The following ARMCX4 variants were observed in gnomAD, a reference collection of about 807,000 sequenced individuals.
ARMCX4 encodes armadillo repeat-containing X-linked protein 4.
In ARMCX4, 3 loss-of-function variants were observed where a neutral mutation model predicts 34.7. The observed-to-expected ratio is 0.09, with a 90% CI of 0.04 to 0.22. The LOEUF is 0.22. Ranked by LOEUF, ARMCX4 falls within the 10% of genes least tolerant of loss-of-function variation. The pLI is 1.00. For missense variants in ARMCX4, 1,448 were observed against 1,720.8 expected (o/e 0.84, Z 2.81); for synonymous variants, 513 against 632.8 (o/e 0.81, Z 2.84).
At chrX:101,535,563 T>C (rs1207819460), downstream of ARMCX4, among the ~76,000 whole-genome samples, 3 of 111,920 alleles carry the variant, frequency 2.7e-5, no homozygotes, top group African/African-American at 9.7e-5. Context: ...AACATTTTCC[T>C]TTGAGGTTTT....
intron 4 of ARMCX4, among the ~76,000 whole-genome samples, chrX:101,469,725 T>A (rs1470707155): frequency 9.0e-6 from 1 of 111,264 alleles, no homozygotes; most frequent in African/African-American, 3.3e-5. Context: ...TCTAGTCAAT[T>A]TGAGGTAGAA....
At position 101,425,359 on chromosome X, in the gene ARMCX4, A is replaced by G. The variant is rs147908946; in HGVS notation, n.164+6359A>G. ...ACGGGGCAGAAATCTAGAATGGAAC[A>G]GATTGGAGTGTGGTTAGCAGAGAGA... is the stretch of plus-strand genomic sequence containing the variant. On this transcript the variant is annotated intron_variant and non_coding_transcript_variant, in intron 2 of 3. Transcript: ENST00000430461. Among the ~76,000 whole-genome samples the G allele has an allele frequency of 3.3e-3, 362 of 109,507 alleles. 3 individuals carry two copies. The highest frequency in any genetic ancestry group is 0.011 in the African/African-American group (342 of 29,896).
chrX:101,443,397 A>G (rs947548877), intron 2 of ARMCX4, among the ~76,000 whole-genome samples: 8 of 111,840 alleles, frequency 7.2e-5, no homozygotes, highest in Non-Finnish European at 1.1e-4. Context: ...TCAGACGCCA[A>G]TCCTACCAGC....
rs1332381745 is a variant in ARMCX4 at position 101,489,442 on chromosome X, G to A, written c.853G>A (p.Val285Met). Residue 285 changes from valine (V) to methionine (M), a missense_variant, in exon 6 of 6, where the codon GTG (valine) becomes ATG (methionine). Transcript: ENST00000423738. ...GAAGTCCTGTGCACAGTCTCAGGCT[G>A]TGACCAAGATCCAGGGTGATGACAT... ...DMKSCAQSQAVTKIQGDDMPG... is the reference protein window; with the variant it reads ...DMKSCAQSQAMTKIQGDDMPG... 8.7e-7 allele frequency: 1 copy of A among 1,153,723 alleles called. No individual in the cohort carries two copies. The highest frequency in any genetic ancestry group is 2.6e-5 in the Admixed American group (1 of 38,489).
Position 101,492,107 on chromosome X carries a change from A to C in ARMCX4, c.3518A>C (p.Asn1173Thr), listed in dbSNP as rs920209367. 1.4e-5 allele frequency: 16 copies of C among 1,143,275 alleles called. No individual in the cohort carries two copies. In the East Asian group the frequency reaches 5.3e-4, roughly 38 times the overall value. The allele number at this position is 1,143,275 out of a possible 1,213,427, so 94.2% of individuals were successfully genotyped here. A position where few individuals can be genotyped will look rare whatever the true frequency, so the allele number is the denominator to read the frequency against. Reference sequence around the variant, plus strand: ...TCCTGGGCTGGGGCCAGGGCTGAGAATGTGGTTGGTATTGGGACTTGGGCT... The same window carrying C: ...TCCTGGGCTGGGGCCAGGGCTGAGACTGTGGTTGGTATTGGGACTTGGGCT... Reference protein sequence around the residue: ...VKSWAGARAENVVGIGTWARA... With the variant: ...VKSWAGARAETVVGIGTWARA... Residue 1173 changes from asparagine (N) to threonine (T), a missense_variant, in exon 6 of 6, where the codon AAT becomes ACT. Physicochemically the swap from Asn to Thr is moderately conservative, Grantham distance 65. Coordinates refer to ENST00000423738, the MANE Select transcript of ARMCX4 (RefSeq NM_001256155.3).
chrX:101,504,452 TGA>T (rs1434083992), intron 7 of ARMCX4, among the ~76,000 whole-genome samples: 6 of 82,737 alleles, frequency 7.3e-5, no homozygotes, highest in Admixed American at 1.3e-4. Flanking sequence ...TGTGTGTGTG[TGA>T]GAGAGAGAAG....
At chrX:101,420,232 G>A (rs903384385) in intron 2 of ARMCX4, among the ~76,000 whole-genome samples, 2 of 111,563 alleles carry the variant, frequency 1.8e-5, no homozygotes, top group African/African-American at 3.3e-5. Flanking sequence ...GGTGGTGTGC[G>A]CCTGTAATCC....
At chrX:101,467,356 G>T (rs201782242) in intron 4 of ARMCX4, among the ~76,000 whole-genome samples, 2 of 111,446 alleles carry the variant, frequency 1.8e-5, no homozygotes, top group Admixed American at 1.9e-4. Context: ...TCACCATGTT[G>T]GCCAGGATGG....
At chrX:101,432,862 GTATATATACACA>G (rs1930212412) in intron 2 of ARMCX4, among the ~76,000 whole-genome samples, 2 of 80,560 alleles carry the variant, frequency 2.5e-5, no homozygotes, top group East Asian at 4.0e-4. Context: ...ATATATACAC[GTATATATACACA>G]TATGTATACG....
intron 11 of ARMCX4, among the ~76,000 whole-genome samples, chrX:101,514,405 A>C (rs1934663167): frequency 9.0e-6 from 1 of 111,686 alleles, no homozygotes; most frequent in African/African-American, 3.3e-5. Flanking sequence ...TGCCTGTAAG[A>C]AATTGTTACC....
intron 2 of ARMCX4, among the ~76,000 whole-genome samples, chrX:101,434,174 T>C (rs782603908): frequency 3.6e-5 from 4 of 110,522 alleles, no homozygotes; most frequent in African/African-American, 1.3e-4. Context: ...CTTGAACTGC[T>C]GAGCTCAAGC....
At chrX:101,464,317 A>G (rs942011766) in intron 4 of ARMCX4, among the ~76,000 whole-genome samples, 1 of 111,682 alleles carries the variant, frequency 9.0e-6, no homozygotes, top group Non-Finnish European at 1.9e-5. Context: ...TGGAAGTTGC[A>G]GTGAGCTGAG....
chrX:101,438,588 A>G lies in ARMCX4; in HGVS notation n.165-5464A>G, dbSNP rs150664706. On this transcript the variant is annotated intron_variant and non_coding_transcript_variant, in intron 2 of 3. Coordinates refer to the ARMCX4 transcript ENST00000430461. The stretch of plus-strand genomic sequence containing the variant: ...CCCCCCCCAAAAAAAGTCTCCCATT[A>G]TATTGTGTGGGAGTCTAAGTCTCTT... Among the ~76,000 whole-genome samples, 525 of 110,002 alleles carry G rather than the reference A, an allele frequency of 4.8e-3. 1 individual carries two copies. The highest frequency in any genetic ancestry group is 0.016 in the African/African-American group (490 of 30,220).
chrX:101,427,544 A>C (rs1156327134), intron 2 of ARMCX4, among the ~76,000 whole-genome samples: 2 of 110,285 alleles, frequency 1.8e-5, no homozygotes, highest in Non-Finnish European at 3.8e-5. Context: ...TGTCTGGCTA[A>C]TTTTTTTTGT....
At chrX:101,530,504 T>A (rs782337662) in intron 11 of ARMCX4, among the ~76,000 whole-genome samples, 4 of 110,276 alleles carry the variant, frequency 3.6e-5, no homozygotes, top group East Asian at 2.8e-4. Context: ...AAAATAAAAA[T>A]AAAAAAGTGG....
At chrX:101,525,489 AG>A (rs2147720123) in intron 11 of ARMCX4, among the ~76,000 whole-genome samples, 1 of 112,103 alleles carries the variant, frequency 8.9e-6, no homozygotes, top group Admixed American at 9.5e-5. Flanking sequence ...TGACAAAAGT[AG>A]GCTTCAGAAG....
chrX:101,433,289 T>TACAC (rs1930414757), intron 2 of ARMCX4, among the ~76,000 whole-genome samples: 1 of 108,845 alleles, frequency 9.2e-6, no homozygotes, highest in East Asian at 2.9e-4. Context: ...CGTACACATA[T>TACAC]ACATATATGT....
chrX:101,434,622 A>AATTT lies in ARMCX4; in HGVS notation n.165-9409_165-9406dup, dbSNP rs1178777551. Reference sequence around the variant, plus strand: ...ACTAACATTTTTTTTTATTCTATTCAATTTATTTATTTATTTATTTATTTT... The same window carrying AATTT: ...ACTAACATTTTTTTTTATTCTATTCAATTTATTTATTTATTTATTTATTTATTTT... On this transcript the variant is annotated intron_variant and non_coding_transcript_variant, in intron 2 of 3. Transcript: ENST00000430461. Among the ~76,000 whole-genome samples the AATTT allele has an allele frequency of 2.3e-4, 25 of 110,221 alleles. No homozygotes were observed. In the East Asian group the frequency reaches 3.9e-3, roughly 17 times the overall value.
chrX:101,423,130 G>C (rs1929380065), intron 2 of ARMCX4, among the ~76,000 whole-genome samples: 2 of 108,011 alleles, frequency 1.9e-5, no homozygotes, highest in Admixed American at 9.9e-5. Context: ...GGCTGGTCTT[G>C]AACTCCTGAC....
Sources: allele counts gnomAD v4.1 joint callset (sites outside exome capture counted in the v4.1 genomes callset), GRCh38; gene constraint gnomAD v4.1.1; transcripts MANE v1.5; gene names NCBI Gene and HGNC (gene_info 2026-07-23, HGNC 2026-07-21).